RABGAP1L: variants seen among roughly 807,000 people sequenced by gnomAD.
RABGAP1L encodes the protein RAB GTPase activating protein 1 like, also known as rab GTPase-activating protein 1-like.
Under a neutral mutation model 137.7 loss-of-function variants are expected in RABGAP1L, and 63 were observed. The ratio of observed to expected loss-of-function variants is 0.46; its 90% CI spans 0.37 to 0.56. The LOEUF (loss-of-function observed/expected upper bound fraction) is 0.56. Among genes scored for constraint, RABGAP1L ranks in the 20% least tolerant of loss-of-function variants. The pLI is 0.00. For synonymous variants in RABGAP1L, 431 were observed against 433.7 expected (o/e 0.99, Z 0.08); for missense variants, 1,095 against 1,244.0 (o/e 0.88, Z 1.80).
intron 17 of RABGAP1L, among the ~76,000 whole-genome samples, chr1:174,746,143 T>G (rs1353575780): frequency 6.6e-6 from 1 of 152,224 alleles, no homozygotes; most frequent in Non-Finnish European, 1.5e-5. Context: ...GTTCAGTGTC[T>G]TTGTTTCAGT....
chr1:174,653,253 C>T lies in RABGAP1L; in HGVS notation c.1824+15765C>T, dbSNP rs188883424. On this transcript the variant is annotated intron_variant, in intron 14 of 25. Transcript: ENST00000681986. ...CTGGGCTCCATGGGGGTGGGATCTG[C>T]TGAGCTAGACCACTTGGCTCCCTGG... Among the ~76,000 whole-genome samples, 293 of 152,318 alleles carry T rather than the reference C, an allele frequency of 1.9e-3. 3 individuals are homozygous for T. Among genetic ancestry groups the T allele is most frequent in the African/African-American group, 6.9e-3 (285 of 41,584 alleles).
At chr1:174,299,296 T>A (rs906281243) in intron 10 of RABGAP1L, among the ~76,000 whole-genome samples, 1 of 152,172 alleles carries the variant, frequency 6.6e-6, no homozygotes, top group African/African-American at 2.4e-5. Flanking sequence ...GGTCCCAAGA[T>A]AAACTTGGAG....
intron 14 of RABGAP1L, among the ~76,000 whole-genome samples, chr1:174,648,591 G>A (rs1390914939): frequency 2.0e-5 from 3 of 152,044 alleles, no homozygotes; most frequent in African/African-American, 7.2e-5. Flanking sequence ...CCATTCTTTT[G>A]CATTTGCTGA....
chr1:174,460,125 T>G (rs893109464), intron 13 of RABGAP1L, among the ~76,000 whole-genome samples: 4 of 152,124 alleles, frequency 2.6e-5, no homozygotes, highest in Admixed American at 1.3e-4. Context: ...CTTCCATAAT[T>G]GGCACCTTTT....
intron 19 of RABGAP1L, among the ~76,000 whole-genome samples, chr1:174,851,956 C>T (rs1190442782): frequency 1.3e-5 from 2 of 152,092 alleles, no homozygotes; most frequent in Non-Finnish European, 2.9e-5. Context: ...TCTTTGACTA[C>T]CTTAGTTTTT....
At position 174,969,302 on chromosome 1, in the gene RABGAP1L, C is replaced by T; in HGVS notation, c.2459C>T (p.Ala820Val). The change falls in exon 21 of 26, where the codon GCC becomes GTC. Residue 820 changes from alanine to valine, a missense_variant. Physicochemically the swap from Ala to Val is moderately conservative, Grantham distance 64. Around this residue, in one of 4 missense-constraint regions of RABGAP1L, gnomAD observed 312 missense variants for 435.6 expected, o/e 0.72. Transcript: ENST00000681986. ...AGGGAGAACCGAAGATTACAGGAGG[C>T]CAGCATGAGGTTGGAACAAGAGAAT... ...YKRENRRLQE[A>V]SMRLEQENDD... 1.3e-6 allele frequency: 2 copies of T among 1,550,816 alleles called. No homozygotes were observed. The highest frequency in any genetic ancestry group is 1.7e-6 in the Non-Finnish European group (2 of 1,146,966).
intron 5 of RABGAP1L, among the ~76,000 whole-genome samples, chr1:174,247,028 T>G (rs892391086): frequency 6.6e-6 from 1 of 151,718 alleles, no homozygotes; most frequent in Non-Finnish European, 1.5e-5. Flanking sequence ...TGGAATCTTA[T>G]TTTTTTTTCT....
intron 13 of RABGAP1L, among the ~76,000 whole-genome samples, chr1:174,440,375 A>G (rs1007452320): frequency 5.3e-5 from 8 of 152,212 alleles, no homozygotes; most frequent in Middle Eastern, 3.2e-3. Flanking sequence ...AAACAACTCA[A>G]GGCCACATTG....
intron 19 of RABGAP1L, among the ~76,000 whole-genome samples, chr1:174,889,160 G>A (rs373696713): frequency 1.0e-3 from 151 of 144,082 alleles, no homozygotes; most frequent in African/African-American, 3.5e-3. Context: ...GTCTCGCTCT[G>A]TCACCCAGGC....
rs1666476787 is a variant in RABGAP1L, at chr1:174,550,999, C to CATATACATATATATATAT, written c.1711-86371_1711-86370insCATATATATATATATATA. Among the ~76,000 whole-genome samples the CATATACATATATATATAT allele has an allele frequency of 2.3e-4, 20 of 86,348 alleles. 1 individual carries two copies. The highest frequency in any genetic ancestry group is 1.7e-3 in the African/African-American group (20 of 12,060). The allele number at this position is 86,348 out of a possible 152,430, so 56.6% of individuals were successfully genotyped here. Reference sequence around the variant, plus strand: ...GTATATATACATATATATATATACACATATATATATATATATATATATACA... The same window carrying CATATACATATATATATAT: ...GTATATATACATATATATATATACACATATACATATATATATATATATATATATATATATATATATACA... On this transcript the variant is annotated intron_variant, in intron 13 of 25. Coordinates refer to ENST00000681986, the MANE Select transcript of RABGAP1L (RefSeq NM_001366446.1).
chr1:174,738,289 A>G (rs1683117696), intron 17 of RABGAP1L, among the ~76,000 whole-genome samples: 1 of 152,124 alleles, frequency 6.6e-6, no homozygotes, highest in Non-Finnish European at 1.5e-5. Flanking sequence ...TTCACTGGTT[A>G]TTTCCCCCCA....
chr1:174,224,478 A>AT (rs1670010664), intron 3 of RABGAP1L, among the ~76,000 whole-genome samples: 1 of 152,172 alleles, frequency 6.6e-6, no homozygotes. Flanking sequence ...TCAAAAAAAA[A>AT]TTTTAAATCT....
intron 11 of RABGAP1L, among the ~76,000 whole-genome samples, chr1:174,315,177 G>A (rs1208786780): frequency 6.6e-6 from 1 of 152,050 alleles, no homozygotes; most frequent in Admixed American, 6.6e-5. Context: ...AGTGTTGAGG[G>A]CAGATATATT....
chr1:174,471,213 C>T (rs1657901785), intron 13 of RABGAP1L, among the ~76,000 whole-genome samples: 1 of 152,110 alleles, frequency 6.6e-6, no homozygotes, highest in South Asian at 2.1e-4. Flanking sequence ...TCTTATTGAA[C>T]CTCCCTTTTG....
intron 13 of RABGAP1L, among the ~76,000 whole-genome samples, chr1:174,439,195 A>T (rs911451384): frequency 1.3e-5 from 2 of 152,132 alleles, no homozygotes; most frequent in African/African-American, 4.8e-5. Flanking sequence ...ATTAAATATT[A>T]TGCTAGATGT....
chr1:174,557,744 A>G (rs1231149044), intron 13 of RABGAP1L, among the ~76,000 whole-genome samples: 1 of 152,208 alleles, frequency 6.6e-6, no homozygotes, highest in Admixed American at 6.5e-5. Flanking sequence ...AAATCCTTAT[A>G]GGAATACAGA....
At chr1:174,613,850 G>C (rs1671515216) in intron 13 of RABGAP1L, among the ~76,000 whole-genome samples, 1 of 152,110 alleles carries the variant, frequency 6.6e-6, no homozygotes, top group South Asian at 2.1e-4. Flanking sequence ...TTGGTGTAAA[G>C]TCTGTTTTAT....
chr1:174,670,189 T>C (rs1677071496), intron 14 of RABGAP1L, among the ~76,000 whole-genome samples: 1 of 152,284 alleles, frequency 6.6e-6, no homozygotes, highest in African/African-American at 2.4e-5. Context: ...TACAGATCTT[T>C]CACTTCCTTG....
intron 1 of RABGAP1L, among the ~76,000 whole-genome samples, chr1:174,178,424 C>A (rs1290782691): frequency 2.6e-5 from 4 of 152,122 alleles, no homozygotes; most frequent in African/African-American, 9.7e-5. Context: ...GACAGTGTGT[C>A]AATTCCTGAA....
Sources: gnomAD v4.1 joint callset for allele counts (sites outside exome capture counted in the v4.1 genomes callset) on GRCh38, gnomAD v4.1.1 for gene constraint, gnomAD v4.1.1 regional missense constraint, MANE v1.5 for transcripts, NCBI Gene and HGNC (gene_info 2026-07-23, HGNC 2026-07-21) for gene names.